PDE7B: variants seen among roughly 807,000 people sequenced by gnomAD.
PDE7B encodes the protein phosphodiesterase 7B.
PDE7B carries 29 observed loss-of-function variants against 56.2 expected under a neutral mutation model. The ratio of observed to expected loss-of-function variants is 0.52; its 90% CI spans 0.38 to 0.70. PDE7B has a LOEUF of 0.70. PDE7B is among the 30% of genes least tolerant of loss of function. The probability of loss-of-function intolerance (pLI) is 0.00; values close to 1 mark genes in which losing one functional copy is unlikely to be tolerated. For synonymous variants in PDE7B, 197 were observed against 196.9 expected (o/e 1.00, Z 0.00); for missense variants, 490 against 565.0 (o/e 0.87, Z 1.35).
chr6:136,122,495 C>A (rs971403689), intron 3 of PDE7B, among the ~76,000 whole-genome samples: 4 of 152,136 alleles, frequency 2.6e-5, no homozygotes, highest in African/African-American at 9.7e-5. Flanking sequence ...ACCTTCTATG[C>A]CTAAGATCAA....
intron 1 of PDE7B, among the ~76,000 whole-genome samples, chr6:135,883,013 T>C (rs1239823704): frequency 6.6e-6 from 1 of 152,238 alleles, no homozygotes; most frequent in East Asian, 1.9e-4. Context: ...TTTTTCAGAC[T>C]ACATATCCTC....
chr6:136,184,977 G>A (rs576889456), intron 11 of PDE7B, among the ~76,000 whole-genome samples: 42 of 152,172 alleles, frequency 2.8e-4, no homozygotes, highest in African/African-American at 9.9e-4. Flanking sequence ...GAAGGGAGAA[G>A]TCAAAGACAA....
intron 2 of PDE7B, among the ~76,000 whole-genome samples, chr6:135,990,564 T>A (rs891860533): frequency 5.9e-4 from 90 of 152,334 alleles, no homozygotes; most frequent in African/African-American, 2.1e-3. Context: ...GGCGGCAGCA[T>A]CCTGCTAGCC....
At chr6:135,978,503 T>A (rs1306974061) in intron 2 of PDE7B, among the ~76,000 whole-genome samples, 1 of 152,104 alleles carries the variant, frequency 6.6e-6, no homozygotes, top group African/African-American at 2.4e-5. Flanking sequence ...AAGAATAAAT[T>A]AACCGTAGCT....
At chr6:136,074,717 C>T (rs574181127) in intron 2 of PDE7B, among the ~76,000 whole-genome samples, 6 of 152,258 alleles carry the variant, frequency 3.9e-5, no homozygotes, top group Admixed American at 1.3e-4. Context: ...TTTAATCTAA[C>T]GACCTCCGAG....
At chr6:135,949,789 G>A (rs1254370747) in intron 2 of PDE7B, among the ~76,000 whole-genome samples, 1 of 152,000 alleles carries the variant, frequency 6.6e-6, no homozygotes, top group Non-Finnish European at 1.5e-5. Flanking sequence ...GTTTTTATTA[G>A]TTTCAGGACA....
intron 3 of PDE7B, among the ~76,000 whole-genome samples, chr6:136,135,133 G>T (rs555318159): frequency 6.6e-6 from 1 of 152,072 alleles, no homozygotes; most frequent in African/African-American, 2.4e-5. Context: ...GTACACAGAA[G>T]AGCTAATGAC....
chr6:135,993,945 T>C (rs1775517452), intron 2 of PDE7B, among the ~76,000 whole-genome samples: 1 of 152,150 alleles, frequency 6.6e-6, no homozygotes, highest in Non-Finnish European at 1.5e-5. Context: ...ATAATTAACT[T>C]GAGTAAGCAA....
At chr6:135,898,200 C>T (rs896089180) in intron 1 of PDE7B, among the ~76,000 whole-genome samples, 1 of 152,100 alleles carries the variant, frequency 6.6e-6, no homozygotes, top group African/African-American at 2.4e-5. Flanking sequence ...GTAATATGTA[C>T]TAGATTAAAA....
chr6:136,006,865 G>C (rs1045829395), intron 2 of PDE7B, among the ~76,000 whole-genome samples: 4 of 152,170 alleles, frequency 2.6e-5, no homozygotes, highest in Non-Finnish European at 4.4e-5. Context: ...AACAGGGACA[G>C]TTTGACTTCC....
chr6:136,182,621 A>C (rs184773000), intron 11 of PDE7B, among the ~76,000 whole-genome samples: 1 of 152,360 alleles, frequency 6.6e-6, no homozygotes, highest in Admixed American at 6.5e-5. Flanking sequence ...ACTGCAGTGT[A>C]AACCTTTTAT....
At chr6:135,929,439 T>C (rs1774256265) in intron 1 of PDE7B, among the ~76,000 whole-genome samples, 1 of 152,200 alleles carries the variant, frequency 6.6e-6, no homozygotes, top group South Asian at 2.1e-4. Context: ...GTATAAAATA[T>C]ACTGCAGATT....
intron 8 of PDE7B, among the ~76,000 whole-genome samples, chr6:136,158,677 C>T (rs554365455): frequency 1.1e-3 from 170 of 152,278 alleles, no homozygotes; most frequent in Admixed American, 2.0e-3. Context: ...TTCTCTGGGC[C>T]GGACTCACTC....
intron 3 of PDE7B, among the ~76,000 whole-genome samples, chr6:136,141,106 CATAG>C (rs1778316564): frequency 6.6e-6 from 1 of 152,130 alleles, no homozygotes; most frequent in Non-Finnish European, 1.5e-5. Context: ...GTGGGTTTGT[CATAG>C]ATAGCTCTTA....
intron 8 of PDE7B, among the ~76,000 whole-genome samples, chr6:136,171,492 T>G (rs905454209): frequency 2.6e-5 from 4 of 152,186 alleles, no homozygotes; most frequent in African/African-American, 4.8e-5. Context: ...GAGGTTCTTA[T>G]CAGCGTTGAG....
In PDE7B at chr6:135,890,273, A is replaced by C. The variant is rs143973576; in HGVS notation, c.21+38254A>C. Among the ~76,000 whole-genome samples the C allele has an allele frequency of 2.3e-3, 351 of 152,366 alleles. 1 individual carries two copies. The highest frequency in any genetic ancestry group is 8.1e-3 in the African/African-American group (336 of 41,594). ...TGGTGGACAAGCGAAGAATTTCCTT[A>C]CAAAATTATTCTTTACTCTCTGATT... On this transcript the variant is annotated intron_variant, in intron 1 of 12. Coordinates refer to ENST00000308191, the MANE Select transcript of PDE7B (RefSeq NM_018945.4).
At chr6:135,993,393 T>C (rs1775507820) in intron 2 of PDE7B, among the ~76,000 whole-genome samples, 1 of 152,220 alleles carries the variant, frequency 6.6e-6, no homozygotes, top group South Asian at 2.1e-4. Context: ...AAAATTCAGA[T>C]GCTCCAGTCT....
In PDE7B at chr6:136,153,735, G is replaced by A. The variant is rs560855168; in HGVS notation, c.479-340G>A. On this transcript the variant is annotated intron_variant, in intron 6 of 12. Transcript: ENST00000308191. Reference sequence around the variant, plus strand: ...ACAGCAGAAACTCAATTAAACTATAGTGTGAGATAAAGTTGTGCTTTTCCT... The same window carrying A: ...ACAGCAGAAACTCAATTAAACTATAATGTGAGATAAAGTTGTGCTTTTCCT... 1.1e-4 allele frequency among the ~76,000 whole-genome samples: 16 copies of A among 152,274 alleles called. No homozygotes were observed. In the South Asian group the frequency reaches 2.9e-3, roughly 28 times the overall value.
chr6:136,172,259 G>A (rs1323646494), intron 8 of PDE7B, among the ~76,000 whole-genome samples: 1 of 152,152 alleles, frequency 6.6e-6, no homozygotes, highest in Non-Finnish European at 1.5e-5. Flanking sequence ...CACCAACAGT[G>A]TAAAAGTGTT....
Sources: allele counts gnomAD v4.1 joint callset (sites outside exome capture counted in the v4.1 genomes callset), GRCh38; gene constraint gnomAD v4.1.1; transcripts MANE v1.5; gene names NCBI Gene and HGNC (gene_info 2026-07-23, HGNC 2026-07-21).